DAPK1: variants seen among roughly 807,000 people sequenced by gnomAD.
The protein encoded by DAPK1 is death associated protein kinase 1, also known as death-associated protein kinase 1.
In DAPK1, 56 loss-of-function variants were observed where a neutral mutation model predicts 144.9. The observed-to-expected ratio is 0.39, with a 90% CI of 0.31 to 0.48. The LOEUF is 0.48. Among genes scored for constraint, DAPK1 ranks in the 20% least tolerant of loss-of-function variants. The pLI, the probability that DAPK1 is intolerant of heterozygous loss-of-function variation, is 0.95. For synonymous variants in DAPK1, 690 were observed against 749.0 expected, an observed-to-expected ratio of 0.92 and a Z score of 1.29; for missense variants, 1,454 against 1,875.4, an observed-to-expected ratio of 0.78 and a Z score of 4.15.
At chr9:87,636,432 A>T (rs1829896423) in intron 3 of DAPK1, among the ~76,000 whole-genome samples, 1 of 152,192 alleles carries the variant, frequency 6.6e-6, no homozygotes, top group South Asian at 2.1e-4. Context: ...AAATGGTCTC[A>T]GTTTTTCAGG....
intron 19 of DAPK1, among the ~76,000 whole-genome samples, chr9:87,669,189 C>T (rs900139128): frequency 6.6e-6 from 1 of 152,108 alleles, no homozygotes; most frequent in Non-Finnish European, 1.5e-5. Context: ...TAAAGATGTT[C>T]ACTGCAGTAT....
chr9:87,609,844 C>G (rs1414703846), intron 3 of DAPK1, among the ~76,000 whole-genome samples: 1 of 152,194 alleles, frequency 6.6e-6, no homozygotes, highest in African/African-American at 2.4e-5. Context: ...AAGTCCACGG[C>G]AAGTCGAACT....
At chr9:87,556,930 T>C (rs1302841573) in intron 2 of DAPK1, among the ~76,000 whole-genome samples, 2 of 152,148 alleles carry the variant, frequency 1.3e-5, no homozygotes, top group African/African-American at 4.8e-5. Context: ...CCTGCAGTTG[T>C]GGGTGGGAGA....
rs79620253 is a variant in DAPK1, at chr9:87,674,847, A to G, written c.2001+6173A>G. Among the ~76,000 whole-genome samples, 53 of 152,294 alleles carry G rather than the reference A, an allele frequency of 3.5e-4. 1 individual carries two copies. The East Asian group carries it at 7.7e-3, about 22-fold the overall frequency. On this transcript the variant is annotated intron_variant, in intron 19 of 25. Coordinates refer to ENST00000408954, the MANE Select transcript of DAPK1 (RefSeq NM_004938.4). ...GTGAAAGCTAAGTTGCTAGGGAGAA[A>G]ACAGTACTGGAAGAAAGAAAAGTAG...
chr9:87,592,695 G>C (rs897427321), intron 2 of DAPK1, among the ~76,000 whole-genome samples: 1 of 152,114 alleles, frequency 6.6e-6, no homozygotes, highest in Non-Finnish European at 1.5e-5. Context: ...TCGGGCCGCG[G>C]GGGTGAGGTC....
chr9:87,671,498 T>G (rs1824147619), intron 19 of DAPK1, among the ~76,000 whole-genome samples: 1 of 133,912 alleles, frequency 7.5e-6, no homozygotes, highest in Non-Finnish European at 1.7e-5. Flanking sequence ...ATAGTCACCT[T>G]TTTTTTCTTT....
chr9:87,592,764 C>A (rs965381582), intron 2 of DAPK1, among the ~76,000 whole-genome samples: 1 of 152,022 alleles, frequency 6.6e-6, no homozygotes, highest in Admixed American at 6.5e-5. Context: ...TCAGGCTTCC[C>A]GGGAGCTCCG....
intron 22 of DAPK1, chr9:87,698,283 CTG>C (rs1426124536): frequency 5.6e-6 from 1 of 177,202 alleles, no homozygotes; most frequent in Non-Finnish European, 1.2e-5. Flanking sequence ...TGACCCATCT[CTG>C]TGGTGTTGCT....
intron 18 of DAPK1, 124 bp downstream of exon 18, chr9:87,658,251 A>G: frequency 3.3e-6 from 2 of 606,790 alleles, no homozygotes. Flanking sequence ...CTGTTCAGCC[A>G]TAGCTCCTCC....
At chr9:87,654,510 T>C (rs1830566877) in intron 17 of DAPK1, among the ~76,000 whole-genome samples, 1 of 152,242 alleles carries the variant, frequency 6.6e-6, no homozygotes, top group South Asian at 2.1e-4. Context: ...TTTCACATTC[T>C]GAGACTGTGT....
At chr9:87,599,726 A>T (rs1041012452) in intron 2 of DAPK1, among the ~76,000 whole-genome samples, 2 of 152,196 alleles carry the variant, frequency 1.3e-5, no homozygotes, top group Non-Finnish European at 2.9e-5. Context: ...GGGGAAAAAA[A>T]GTTGGTGTAC....
chr9:87,556,449 T>C (rs1013152294), intron 2 of DAPK1, among the ~76,000 whole-genome samples: 9 of 152,234 alleles, frequency 5.9e-5, no homozygotes, highest in African/African-American at 2.2e-4. Context: ...TTGCTGTCTT[T>C]GAATCATGGA....
At chr9:87,599,736 C>G (rs1388850480) in intron 2 of DAPK1, among the ~76,000 whole-genome samples, 1 of 152,124 alleles carries the variant, frequency 6.6e-6, no homozygotes, top group Non-Finnish European at 1.5e-5. Flanking sequence ...AGTTGGTGTA[C>G]AGTTGACTTT....
At chr9:87,646,396 A>G (rs1046767120) in intron 12 of DAPK1, 65 bp from the exon 13 acceptor site, 4 of 1,194,052 alleles carry the variant, frequency 3.3e-6, no homozygotes, top group Non-Finnish European at 5.0e-6. Flanking sequence ...AACAGCAATC[A>G]TCGTTTGGGC....
intron 2 of DAPK1, among the ~76,000 whole-genome samples, chr9:87,576,228 A>G (rs1350984481): frequency 6.6e-6 from 1 of 152,222 alleles, no homozygotes; most frequent in East Asian, 1.9e-4. Context: ...GTTAATGAAA[A>G]TGTGTTTGAG....
At chr9:87,529,234 G>A (rs890886305) in intron 2 of DAPK1, among the ~76,000 whole-genome samples, 1 of 152,128 alleles carries the variant, frequency 6.6e-6, no homozygotes, top group Non-Finnish European at 1.5e-5. Flanking sequence ...TTCTGCTCTA[G>A]CGCTTTTCAA....
chr9:87,534,550 AG>A (rs1825801225), intron 2 of DAPK1, among the ~76,000 whole-genome samples: 1 of 152,146 alleles, frequency 6.6e-6, no homozygotes, highest in Admixed American at 6.5e-5. Flanking sequence ...TGTTCTTGTT[AG>A]GTAAGCACTG....
chr9:87,521,760 G>T (rs972847253), intron 2 of DAPK1, among the ~76,000 whole-genome samples: 1 of 152,154 alleles, frequency 6.6e-6, no homozygotes, highest in East Asian at 1.9e-4. Flanking sequence ...AGTTGCTTTG[G>T]TTTGAATATT....
chr9:87,656,431 CTG>C (rs1235848193), intron 17 of DAPK1, among the ~76,000 whole-genome samples: 6 of 152,194 alleles, frequency 3.9e-5, no homozygotes, highest in Non-Finnish European at 7.3e-5. Context: ...TTCTAGAAAA[CTG>C]TGCATTCTAC....
Sources: gnomAD v4.1 joint callset for allele counts (sites outside exome capture counted in the v4.1 genomes callset) on GRCh38, gnomAD v4.1.1 for gene constraint, MANE v1.5 for transcripts, NCBI Gene and HGNC (gene_info 2026-07-23, HGNC 2026-07-21) for gene names.